PRKAG2: variants seen among roughly 807,000 people sequenced by gnomAD.
PRKAG2 encodes the protein 5'-AMP-activated protein kinase subunit gamma-2.
A neutral mutation model predicts 69.6 loss-of-function variants in PRKAG2; 26 were observed. That is an observed-to-expected ratio of 0.37 (90% CI 0.27 to 0.52). The LOEUF is 0.52. Ranked by LOEUF, PRKAG2 falls within the 20% of genes least tolerant of loss-of-function variation. The pLI is 0.90. For missense variants in PRKAG2, 557 were observed against 740.0 expected (o/e 0.75, Z 2.87); for synonymous variants, 293 against 285.0 (o/e 1.03, Z -0.28).
At chr7:151,610,330 C>T (rs1818479441) in intron 5 of PRKAG2, among the ~76,000 whole-genome samples, 1 of 152,196 alleles carries the variant, frequency 6.6e-6, no homozygotes, top group African/African-American at 2.4e-5. Flanking sequence ...GATTGCGCCA[C>T]TGCACTCCAG....
rs1046643568 is a variant in PRKAG2 at position 151,760,699 on chromosome 7, G to A, written c.466+20453C>T. Among the ~76,000 whole-genome samples the A allele has an allele frequency of 2.4e-4, 36 of 152,164 alleles. 1 individual carries two copies. Among genetic ancestry groups the A allele is most frequent in the Non-Finnish European group, 1.5e-5 (1 of 68,034 alleles). On this transcript the variant is annotated intron_variant, in intron 3 of 15. Coordinates refer to ENST00000287878, the MANE Select transcript of PRKAG2 (RefSeq NM_016203.4). ...TTCCCTCGCCATTCCATCCAAAGCA[G>A]CACCCACCCCACTACCCACTCTCTC...
At chr7:151,848,425 T>C (rs371751771) in intron 1 of PRKAG2, among the ~76,000 whole-genome samples, 1 of 149,866 alleles carries the variant, frequency 6.7e-6, no homozygotes, top group Non-Finnish European at 1.5e-5. Flanking sequence ...CCTCCAGAAC[T>C]GGAAATAAAT....
rs565512182 is a variant in PRKAG2, at chr7:151,702,721, ACT to A, written c.467-27086_467-27085del. ...CCAAGTCCTGTTATTGGATAATAAG[ACT>A]CTAGCATGAATTAATGATCAGAGTG... is the stretch of plus-strand genomic sequence containing the variant. On this transcript the variant is annotated intron_variant, in intron 3 of 15. Coordinates refer to ENST00000287878, the MANE Select transcript of PRKAG2 (RefSeq NM_016203.4). 3.1e-3 allele frequency among the ~76,000 whole-genome samples: 474 copies of A among 152,332 alleles called. 2 individuals are homozygous for A. The highest frequency in any genetic ancestry group is 5.3e-3 in the Non-Finnish European group (359 of 68,028).
chr7:151,670,735 G>A (rs1228325947), intron 4 of PRKAG2, among the ~76,000 whole-genome samples: 1 of 152,208 alleles, frequency 6.6e-6, no homozygotes, highest in African/African-American at 2.4e-5. Context: ...AATGCACGGA[G>A]CTGTTAATCA....
At chr7:151,848,781 T>A (rs1191795460) in intron 1 of PRKAG2, among the ~76,000 whole-genome samples, 2 of 152,086 alleles carry the variant, frequency 1.3e-5, no homozygotes, top group Non-Finnish European at 2.9e-5. Context: ...TGCCTCGGCC[T>A]CCCAAAGTGC....
At chr7:151,595,235 G>A in intron 6 of PRKAG2, 110 bp downstream of exon 6, 2 of 773,146 alleles carry the variant, frequency 2.6e-6, no homozygotes, top group Admixed American at 2.0e-5. Context: ...GTGCCCGATA[G>A]TGCAAAGGAC....
At chr7:151,680,534 C>G (rs116777934) in intron 3 of PRKAG2, among the ~76,000 whole-genome samples, 16 of 152,360 alleles carry the variant, frequency 1.1e-4, no homozygotes, top group Non-Finnish European at 1.0e-4. Context: ...TAGACTATCT[C>G]TGGCAGGATC....
intron 1 of PRKAG2, chr7:151,810,637 A>T (rs1325990733): frequency 6.5e-6 from 1 of 153,398 alleles, no homozygotes; most frequent in Non-Finnish European, 1.5e-5. Context: ...CTGTACCCGC[A>T]GCCCCGCCAA....
intron 1 of PRKAG2, among the ~76,000 whole-genome samples, chr7:151,857,870 G>A (rs1299008018): frequency 1.3e-5 from 2 of 152,226 alleles, no homozygotes; most frequent in African/African-American, 2.4e-5. Flanking sequence ...AATCCCAAAC[G>A]GTGATTTCCT....
intron 1 of PRKAG2, among the ~76,000 whole-genome samples, chr7:151,855,040 ACACCGCCCT>A (rs2079682959): frequency 2.8e-5 from 2 of 70,686 alleles, no homozygotes; most frequent in South Asian, 1.0e-3. Context: ...TGCTCCACAC[ACACCGCCCT>A]CCACACACAC....
chr7:151,821,733 G>A (rs1041083756), intron 1 of PRKAG2, among the ~76,000 whole-genome samples: 1 of 152,120 alleles, frequency 6.6e-6, no homozygotes, highest in African/African-American at 2.4e-5. Flanking sequence ...CCTTTGAAAC[G>A]GATGCTCTTT....
chr7:151,667,886 G>C (rs1831281761), intron 4 of PRKAG2, among the ~76,000 whole-genome samples: 2 of 152,230 alleles, frequency 1.3e-5, no homozygotes, highest in Admixed American at 1.3e-4. Context: ...CACCCAAATT[G>C]CTGACCCACA....
rs2150996293 is a variant in PRKAG2, at chr7:151,565,825, T to C, written c.1294A>G (p.Thr432Ala). Residue 432 changes from threonine to alanine, a missense_variant, in exon 12 of 16, where the codon ACG (threonine) becomes GCG (alanine). Thr to Ala is a moderately conservative substitution (Grantham distance 58, BLOSUM62 0). Transcript: ENST00000287878. ...TGTATGAAGGCAATGTTGTGGTACG[T>C]TCCTATTCCAAGCTCATCCAGGTTC... ...KQNLDELGIG[T>A]YHNIAFIHPD... 6.2e-7 allele frequency: 1 copy of C among 1,612,822 alleles called. No individual in the cohort carries two copies. Among genetic ancestry groups the C allele is most frequent in the Non-Finnish European group, 8.5e-7 (1 of 1,178,762 alleles).
At chr7:151,729,441 G>A (rs1352736556) in intron 3 of PRKAG2, among the ~76,000 whole-genome samples, 1 of 151,938 alleles carries the variant, frequency 6.6e-6, no homozygotes, top group East Asian at 1.9e-4. Context: ...CTTGGAGCCA[G>A]AGGGGTTGGG....
At chr7:151,710,031 G>A (rs1795026032) in intron 3 of PRKAG2, among the ~76,000 whole-genome samples, 1 of 152,172 alleles carries the variant, frequency 6.6e-6, no homozygotes, top group African/African-American at 2.4e-5. Context: ...GAGCACTCTC[G>A]AGTCTAGAAG....
intron 4 of PRKAG2, among the ~76,000 whole-genome samples, chr7:151,639,573 G>A (rs966550504): frequency 1.3e-5 from 2 of 152,194 alleles, no homozygotes. Context: ...AGGTGACAGA[G>A]GATTTCCTTG....
At chr7:151,658,135 T>G (rs761634902) in intron 4 of PRKAG2, among the ~76,000 whole-genome samples, 2 of 142,644 alleles carry the variant, frequency 1.4e-5, no homozygotes, top group Non-Finnish European at 3.0e-5. Context: ...TCCAGCCTGG[T>G]GACAGAGCAA....
At chr7:151,821,062 A>AAGGAAAGTAGAAGAGAGAGCCTC (rs1184141184) in intron 1 of PRKAG2, among the ~76,000 whole-genome samples, 3 of 152,188 alleles carry the variant, frequency 2.0e-5, no homozygotes, top group South Asian at 2.1e-4. Context: ...AGCTGTGGAG[A>AAGGAAAGTAGAAGAGAGAGCCTC]CAGGGAACAA....
intron 4 of PRKAG2, among the ~76,000 whole-genome samples, chr7:151,672,128 G>T (rs937050966): frequency 6.7e-6 from 1 of 148,848 alleles, no homozygotes; most frequent in African/African-American, 2.5e-5. Flanking sequence ...TTGAGAAGGA[G>T]TCTCGCTCTG....
Sources: gnomAD v4.1 joint callset for allele counts (sites outside exome capture counted in the v4.1 genomes callset) on GRCh38, gnomAD v4.1.1 for gene constraint, MANE v1.5 for transcripts, NCBI Gene and HGNC (gene_info 2026-07-23, HGNC 2026-07-21) for gene names.